ENTREP2: variants seen among roughly 807,000 people sequenced by gnomAD.
ENTREP2 encodes the protein protein ENTREP2.
the ENTREP2 span, among the ~76,000 whole-genome samples, chr15:29,425,199 GTTTTTT>G: frequency 1.5e-5 from 2 of 133,126 alleles, no homozygotes; most frequent in Non-Finnish European, 3.2e-5. Context: ...CAGGTTTTTT[GTTTTTT>G]TTTTTGTATT....
chr15:29,148,460 T>A, the ENTREP2 span, among the ~76,000 whole-genome samples: 505 of 152,324 alleles, frequency 3.3e-3, 1 homozygote, highest in African/African-American at 0.012. Flanking sequence ...CATAAAATAA[T>A]GTTGTATGTG....
the ENTREP2 span, among the ~76,000 whole-genome samples, chr15:29,300,313 T>C: frequency 9.0e-6 from 1 of 111,636 alleles, no homozygotes; most frequent in African/African-American, 3.6e-5. Flanking sequence ...GATGGATGGA[T>C]GGATGGATGG....
chr15:29,551,690 A>AT, the ENTREP2 span, among the ~76,000 whole-genome samples: 2 of 125,934 alleles, frequency 1.6e-5, no homozygotes, highest in Admixed American at 1.5e-4. Flanking sequence ...TCAAATGCCT[A>AT]TTTAAAAAAA....
At chr15:29,330,282 C>CA in the ENTREP2 span, among the ~76,000 whole-genome samples, 764 of 112,806 alleles carry the variant, frequency 6.8e-3, 5 homozygotes, top group South Asian at 0.022. Flanking sequence ...ACTAAAAATA[C>CA]AAAAAAAAAA....
chr15:29,486,196 AC>A, the ENTREP2 span, among the ~76,000 whole-genome samples: 6 of 152,316 alleles, frequency 3.9e-5, no homozygotes, highest in African/African-American at 1.4e-4. Flanking sequence ...ACACAAACAC[AC>A]AATAGAGTAC....
At chr15:29,461,533 G>C in the ENTREP2 span, among the ~76,000 whole-genome samples, 9 of 152,000 alleles carry the variant, frequency 5.9e-5, no homozygotes, top group Non-Finnish European at 1.3e-4. Context: ...CCAGGCTAGA[G>C]AGCAGTGGTG....
the ENTREP2 span, among the ~76,000 whole-genome samples, chr15:29,283,101 A>T: frequency 6.6e-6 from 1 of 151,934 alleles, no homozygotes; most frequent in African/African-American, 2.4e-5. Flanking sequence ...TCTCTGGCAG[A>T]CCCCAGGGTG....
the ENTREP2 span, among the ~76,000 whole-genome samples, chr15:29,540,288 C>T: frequency 2.0e-5 from 3 of 152,178 alleles, no homozygotes; most frequent in African/African-American, 7.2e-5. Context: ...ATGTATTATA[C>T]ACACTGTTGT....
the ENTREP2 span, among the ~76,000 whole-genome samples, chr15:29,185,278 C>A: frequency 2.0e-5 from 3 of 152,098 alleles, no homozygotes; most frequent in Non-Finnish European, 4.4e-5. Flanking sequence ...GAACCAGTGC[C>A]TATCGGTTTC....
chr15:29,135,165 C>G, the ENTREP2 span, among the ~76,000 whole-genome samples: 1 of 151,774 alleles, frequency 6.6e-6, no homozygotes, highest in Non-Finnish European at 1.5e-5. The surrounding 1 kb of genome is among the most constrained non-coding windows in gnomAD (Gnocchi z 7.4). Flanking sequence ...CCCACGCCCT[C>G]TGCTCCAACT....
chr15:29,549,869 G>C, the ENTREP2 span, among the ~76,000 whole-genome samples: 3 of 152,164 alleles, frequency 2.0e-5, no homozygotes, highest in Admixed American at 1.3e-4. Flanking sequence ...ATTGGCTCCT[G>C]AAACAATCTC....
chr15:29,423,655 G>A, the ENTREP2 span, among the ~76,000 whole-genome samples: 1 of 151,618 alleles, frequency 6.6e-6, no homozygotes, highest in Non-Finnish European at 1.5e-5. Flanking sequence ...AAAATTAGCC[G>A]GACGACGTGG....
chr15:29,466,540 A>AG, the ENTREP2 span, among the ~76,000 whole-genome samples: 1 of 134,908 alleles, frequency 7.4e-6, no homozygotes. Flanking sequence ...TGCACCCCCA[A>AG]GGGAGAGCCC....
At chr15:29,313,144 G>A in the ENTREP2 span, among the ~76,000 whole-genome samples, 2 of 152,244 alleles carry the variant, frequency 1.3e-5, no homozygotes, top group Non-Finnish European at 2.9e-5. Flanking sequence ...TGAGAGAGGT[G>A]AGGAAGCTGC....
At chr15:29,200,186 T>G in the ENTREP2 span, among the ~76,000 whole-genome samples, 1 of 151,286 alleles carries the variant, frequency 6.6e-6, no homozygotes, top group South Asian at 2.1e-4. Context: ...CCATATACAT[T>G]TTTTTTTTGA....
At chr15:29,468,202 T>C in the ENTREP2 span, among the ~76,000 whole-genome samples, 1 of 152,196 alleles carries the variant, frequency 6.6e-6, no homozygotes, top group African/African-American at 2.4e-5. Flanking sequence ...TCTAAATGTA[T>C]ACTGAACATA....
the ENTREP2 span, among the ~76,000 whole-genome samples, chr15:29,563,952 T>C: frequency 2.0e-5 from 3 of 152,234 alleles, no homozygotes; most frequent in Non-Finnish European, 2.9e-5. Context: ...ATAATTTTTC[T>C]GGTGTGCTCT....
At chr15:29,463,183 C>T in the ENTREP2 span, among the ~76,000 whole-genome samples, 1 of 152,084 alleles carries the variant, frequency 6.6e-6, no homozygotes, top group African/African-American at 2.4e-5. Flanking sequence ...CCACTGGGGC[C>T]CCAGGAGGCA....
the ENTREP2 span, among the ~76,000 whole-genome samples, chr15:29,553,122 C>G: frequency 6.6e-6 from 1 of 152,184 alleles, no homozygotes; most frequent in African/African-American, 2.4e-5. Context: ...ATGGCGAAAC[C>G]CCGTCTCTAC....
Sources: gnomAD v4.1 joint callset for allele counts (sites outside exome capture counted in the v4.1 genomes callset) on GRCh38, gnomAD v4.1.1 for gene constraint, Gnocchi (gnomAD v3.1) non-coding constraint, MANE v1.5 for transcripts, NCBI Gene and HGNC (gene_info 2026-07-23, HGNC 2026-07-21) for gene names.